Variants in ATP2B1 observed in about 807,000 individuals in gnomAD.
ATP2B1 encodes the protein plasma membrane calcium-transporting ATPase 1.
A neutral mutation model predicts 124.2 loss-of-function variants in ATP2B1; 14 were observed. The observed-to-expected ratio is 0.11, with a 90% CI of 0.07 to 0.18. The LOEUF is 0.18. Among genes scored for constraint, ATP2B1 ranks in the 10% least tolerant of loss-of-function variants. The pLI is 1.00. For synonymous variants in ATP2B1, 449 were observed against 492.4 expected (o/e 0.91, Z 1.17); for missense variants, 763 against 1,466.1 (o/e 0.52, Z 7.83).
intron 2 of ATP2B1, among the ~76,000 whole-genome samples, chr12:89,654,464 T>C (rs545031631): frequency 4.6e-5 from 7 of 152,322 alleles, no homozygotes; most frequent in African/African-American, 1.7e-4. Context: ...ACAGAAAACC[T>C]TGAAGAGTTA....
intron 1 of ATP2B1, among the ~76,000 whole-genome samples, chr12:89,679,622 T>G (rs1397096411): frequency 6.6e-6 from 1 of 151,994 alleles, no homozygotes; most frequent in African/African-American, 2.4e-5. Context: ...TACCTGTAAG[T>G]AGAGAAATAA....
chr12:89,596,030 T>C (rs1384081415), intron 20 of ATP2B1, among the ~76,000 whole-genome samples: 1 of 152,044 alleles, frequency 6.6e-6, no homozygotes, highest in East Asian at 1.9e-4. Flanking sequence ...GAAAAAAAGA[T>C]GCCTGGGTGC....
At chr12:89,598,337 AAC>A (rs2135905983) in intron 20 of ATP2B1, among the ~76,000 whole-genome samples, 1 of 152,324 alleles carries the variant, frequency 6.6e-6, no homozygotes, top group Non-Finnish European at 1.5e-5. Context: ...TCCCCATATT[AAC>A]TATCAGAGTT....
chr12:89,642,020 T>C (rs1883605687), intron 3 of ATP2B1, 138 bp downstream of exon 3: 1 of 817,242 alleles, frequency 1.2e-6, no homozygotes, highest in African/African-American at 1.7e-5. Flanking sequence ...TCTGAGATAA[T>C]ATATTTAAGG....
chr12:89,690,339 T>G (rs1339422433), intron 1 of ATP2B1, among the ~76,000 whole-genome samples: 3 of 151,792 alleles, frequency 2.0e-5, no homozygotes, highest in Non-Finnish European at 4.4e-5. Flanking sequence ...TTTTTTTTTT[T>G]GGAAGATTTA....
intron 1 of ATP2B1, among the ~76,000 whole-genome samples, chr12:89,674,121 G>A (rs2136552296): frequency 6.6e-6 from 1 of 152,178 alleles, no homozygotes; most frequent in Non-Finnish European, 1.5e-5. Context: ...GGGACACAGT[G>A]GTGAGCAAGA....
chr12:89,701,856 TC>T (rs1891891621), intron 1 of ATP2B1, among the ~76,000 whole-genome samples: 1 of 151,748 alleles, frequency 6.6e-6, no homozygotes, highest in South Asian at 2.1e-4. Flanking sequence ...CCCCTAAGGG[TC>T]CTATCAGGTG....
At chr12:89,631,471 CG>C (rs1400822227) in intron 5 of ATP2B1, among the ~76,000 whole-genome samples, 2 of 152,186 alleles carry the variant, frequency 1.3e-5, no homozygotes, top group African/African-American at 4.8e-5. Context: ...CATTCCAGCA[CG>C]CCTTTGTAAC....
At chr12:89,678,224 T>C (rs757313616) in intron 1 of ATP2B1, among the ~76,000 whole-genome samples, 6 of 151,968 alleles carry the variant, frequency 3.9e-5, no homozygotes, top group African/African-American at 1.2e-4. Flanking sequence ...CAATAACCCA[T>C]ACTTCAAACC....
At position 89,590,976 on chromosome 12, in the gene ATP2B1, G is replaced by A; in HGVS notation, c.*8C>T. The A allele has an allele frequency of 6.2e-7, 1 of 1,608,224 alleles. No homozygotes were observed. Among genetic ancestry groups the A allele is most frequent in the Admixed American group, 1.7e-5 (1 of 59,780 alleles). On this transcript the variant is annotated 3_prime_UTR_variant, in exon 21 of 21. Coordinates refer to ENST00000428670, the MANE Select transcript of ATP2B1 (RefSeq NM_001366521.1). ...AATGCAGCTAGTGTGTTAACATTCA[G>A]CTTACAATCAGAGTGATGTTTCCAA...
intron 1 of ATP2B1, among the ~76,000 whole-genome samples, chr12:89,708,278 A>G (rs1375565654): frequency 2.6e-5 from 4 of 152,040 alleles, no homozygotes; most frequent in Non-Finnish European, 5.9e-5. Flanking sequence ...CGGCTTCGTG[A>G]AGCCGAAGAC....
At chr12:89,646,970 C>T (rs1188706191) in intron 2 of ATP2B1, among the ~76,000 whole-genome samples, 1 of 152,060 alleles carries the variant, frequency 6.6e-6, no homozygotes, top group African/African-American at 2.4e-5. Flanking sequence ...AGAGGCCATG[C>T]AATTCAGGGC....
chr12:89,611,367 T>C lies in ATP2B1; in HGVS notation c.2073A>G (p.Pro691=), dbSNP rs1877970604. Residue 691 remains proline (P), a synonymous_variant, in exon 13 of 21, where the codon CCA becomes CCG. Coordinates refer to ENST00000428670, the MANE Select transcript of ATP2B1 (RefSeq NM_001366521.1). ...CCCTCTGACACTTTTTAATTGCATC[T>C]GGCACCTGGTTTACATTAAAAAAAA... is the stretch of plus-strand genomic sequence containing the variant. ...GIEDPVRPEV[P]DAIKKCQRAG... 1 of 1,515,358 alleles carries C rather than the reference T, an allele frequency of 6.6e-7. No individual in the cohort carries two copies. Among genetic ancestry groups the C allele is most frequent in the East Asian group, 2.4e-5 (1 of 42,198 alleles). The allele number at this position is 1,515,358 out of a possible 1,614,324, so 93.9% of individuals were successfully genotyped here.
chr12:89,627,587 A>G, intron 7 of ATP2B1, 91 bp downstream of exon 7: 1 of 1,418,762 alleles, frequency 7.0e-7, no homozygotes, highest in Non-Finnish European at 9.8e-7. Context: ...TCCCTGCCAC[A>G]TGTATCTTAC....
Position 89,690,094 on chromosome 12 carries a change from A to C in ATP2B1, c.-222+18502T>G, listed in dbSNP as rs1022334645. 5.3e-5 allele frequency among the ~76,000 whole-genome samples: 8 copies of C among 152,224 alleles called. No individual in the cohort carries two copies. The East Asian group carries it at 1.2e-3, about 22-fold the overall frequency. On this transcript the variant is annotated intron_variant, in intron 1 of 20. Transcript: ENST00000428670. ...TTTTACTGAATAGCTAAGATACTCT[A>C]AACTCTGTCCTATATGCTGCTTACT...
rs77965565 is a variant in ATP2B1, at chr12:89,693,524, A to G, written c.-222+15072T>C. Among the ~76,000 whole-genome samples the G allele has an allele frequency of 6.3e-3, 955 of 152,338 alleles. 3 individuals carry two copies. The highest frequency in any genetic ancestry group is 0.01 in the Middle Eastern group (3 of 294). On this transcript the variant is annotated intron_variant, in intron 1 of 20. Transcript: ENST00000428670. ...TAGTTTGGATGAGGACATTCCAGAT[A>G]GGAAGAGCAGCACACAGCCGTTGCT...
chr12:89,630,494 G>C lies in ATP2B1; in HGVS notation c.928+11C>G. On this transcript the variant is annotated intron_variant, in intron 6 of 20. Coordinates refer to ENST00000428670, the MANE Select transcript of ATP2B1 (RefSeq NM_001366521.1). ...TTCCAAATACCAATTATAGAAAATT[G>C]TTATTCTTACTTTTCTTTTCCTTTT... The C allele has an allele frequency of 6.5e-7, 1 of 1,534,494 alleles. No individual in the cohort carries two copies.
chr12:89,604,423 TAAAC>T (rs1388683397), intron 15 of ATP2B1, 77 bp from the exon 16 acceptor site: 21 of 1,173,484 alleles, frequency 1.8e-5, no homozygotes, highest in Non-Finnish European at 2.4e-5. Flanking sequence ...ACACACTTAA[TAAAC>T]AAAAAGTTTA....
intron 1 of ATP2B1, among the ~76,000 whole-genome samples, chr12:89,662,648 A>G (rs1486545574): frequency 2.0e-5 from 3 of 152,190 alleles, no homozygotes; most frequent in African/African-American, 4.8e-5. Flanking sequence ...TAAATTCACC[A>G]AAGGATTTTA....
Sources: allele counts gnomAD v4.1 joint callset (sites outside exome capture counted in the v4.1 genomes callset), GRCh38; gene constraint gnomAD v4.1.1; transcripts MANE v1.5; gene names NCBI Gene and HGNC (gene_info 2026-07-23, HGNC 2026-07-21).